The following SLC24A2 variants were observed in gnomAD, a reference collection of about 807,000 sequenced individuals.
SLC24A2 encodes sodium/potassium/calcium exchanger 2.
In SLC24A2, 36 loss-of-function variants were observed where a neutral mutation model predicts 62.0. That is an observed-to-expected ratio of 0.58 (90% confidence interval 0.44 to 0.77). The LOEUF (loss-of-function observed/expected upper bound fraction) is 0.77. SLC24A2 is among the 30% of genes least tolerant of loss of function. The pLI is 0.00. For missense variants in SLC24A2, 846 were observed against 817.9 expected (o/e 1.03, Z -0.42); for synonymous variants, 358 against 294.0 (o/e 1.22, Z -2.23).
chr9:20,158,077 G>C, the SLC24A2 span, among the ~76,000 whole-genome samples: 1 of 151,528 alleles, frequency 6.6e-6, no homozygotes, highest in Non-Finnish European at 1.5e-5. Context: ...ACCATTTAGA[G>C]AAGTATCTTT....
chr9:19,903,227 A>C, the SLC24A2 span, among the ~76,000 whole-genome samples: 7 of 152,122 alleles, frequency 4.6e-5, no homozygotes, highest in African/African-American at 9.7e-5. Flanking sequence ...GAAGTCTGAG[A>C]TCAGGATGCC....
At chr9:19,565,867 G>A (rs531198478) in intron 7 of SLC24A2, among the ~76,000 whole-genome samples, 1 of 151,810 alleles carries the variant, frequency 6.6e-6, no homozygotes, top group African/African-American at 2.4e-5. Context: ...AATGGGGAAA[G>A]GATTCTCTAT....
At chr9:20,117,842 CT>C in the SLC24A2 span, among the ~76,000 whole-genome samples, 1 of 152,188 alleles carries the variant, frequency 6.6e-6, no homozygotes, top group South Asian at 2.1e-4. Flanking sequence ...TCCTGAAAGT[CT>C]TTGAAATCAG....
At chr9:19,637,745 A>C (rs1420157878) in intron 2 of SLC24A2, among the ~76,000 whole-genome samples, 1 of 152,218 alleles carries the variant, frequency 6.6e-6, no homozygotes, top group African/African-American at 2.4e-5. Context: ...GAGCAACCGG[A>C]TGGTGTAAAG....
chr9:19,657,180 C>A (rs1487382309), intron 2 of SLC24A2, among the ~76,000 whole-genome samples: 1 of 152,140 alleles, frequency 6.6e-6, no homozygotes, highest in African/African-American at 2.4e-5. Context: ...CCGGCTATGA[C>A]CTGGAGAGTG....
At chr9:19,873,536 C>CTTTCTTTCTTTCTTTCTTTCTTTATT in the SLC24A2 span, among the ~76,000 whole-genome samples, 3 of 137,040 alleles carry the variant, frequency 2.2e-5, no homozygotes, top group Non-Finnish European at 4.6e-5. Context: ...TCCTTTCTTT[C>CTTTCTTTCTTTCTTTCTTTCTTTATT]TCTTTCTTTC....
chr9:20,282,251 C>A, the SLC24A2 span, among the ~76,000 whole-genome samples: 1 of 152,130 alleles, frequency 6.6e-6, no homozygotes, highest in Non-Finnish European at 1.5e-5. Context: ...CCCAAGAAAC[C>A]TTTTCCCAGA....
chr9:20,080,181 C>A, the SLC24A2 span, among the ~76,000 whole-genome samples: 81 of 152,242 alleles, frequency 5.3e-4, 1 homozygote, highest in Admixed American at 4.4e-3. Context: ...CAATCCTAAG[C>A]CAAAAGAACA....
chr9:19,515,944 T>C lies in SLC24A2; in HGVS notation c.*209A>G. On this transcript the variant is annotated 3_prime_UTR_variant, in exon 11 of 11. Coordinates refer to ENST00000341998, the MANE Select transcript of SLC24A2 (RefSeq NM_020344.4). The stretch of plus-strand genomic sequence containing the variant: ...TGTATTGACGGTTCTCTTTGTCTTT[T>C]ACATGAAGTCATTTCAGTAGGCAGG... 1 of 630,356 alleles carries C rather than the reference T, an allele frequency of 1.6e-6. No individual in the cohort carries two copies. 39.0% of individuals were successfully genotyped at this position (630,356 alleles called of 1,614,324 possible).
At chr9:20,173,431 C>G in the SLC24A2 span, among the ~76,000 whole-genome samples, 1 of 151,794 alleles carries the variant, frequency 6.6e-6, no homozygotes, top group Non-Finnish European at 1.5e-5. Flanking sequence ...CCTAGAAAAC[C>G]CTAAAGACTC....
chr9:19,778,605 T>C (rs2118918281), intron 2 of SLC24A2, among the ~76,000 whole-genome samples: 1 of 152,284 alleles, frequency 6.6e-6, no homozygotes, highest in East Asian at 1.9e-4. Context: ...CATACGGGTT[T>C]GCAGTCTGAA....
At chr9:19,855,924 A>G in the SLC24A2 span, among the ~76,000 whole-genome samples, 1 of 152,090 alleles carries the variant, frequency 6.6e-6, no homozygotes, top group African/African-American at 2.4e-5. Flanking sequence ...AGGTACCCTG[A>G]TCAGTCATAG....
chr9:19,654,585 G>A (rs572552005), intron 2 of SLC24A2, among the ~76,000 whole-genome samples: 1 of 152,322 alleles, frequency 6.6e-6, no homozygotes, highest in Admixed American at 6.5e-5. Flanking sequence ...CATGGCAAAT[G>A]ATGGTATAAC....
At chr9:19,831,925 T>C in the SLC24A2 span, among the ~76,000 whole-genome samples, 1 of 152,264 alleles carries the variant, frequency 6.6e-6, no homozygotes, top group African/African-American at 2.4e-5. Flanking sequence ...TCATGATACA[T>C]ATCAAATTAA....
the SLC24A2 span, among the ~76,000 whole-genome samples, chr9:19,924,954 AAGTC>A: frequency 6.6e-6 from 1 of 152,194 alleles, no homozygotes; most frequent in Non-Finnish European, 1.5e-5. Flanking sequence ...GTACTCTTGA[AAGTC>A]AGGCTTCAAG....
the SLC24A2 span, among the ~76,000 whole-genome samples, chr9:20,255,836 T>C: frequency 2.0e-5 from 3 of 152,232 alleles, no homozygotes; most frequent in African/African-American, 7.2e-5. Flanking sequence ...GCCACATCAT[T>C]CTTCCATTTT....
rs989468146 is a variant in SLC24A2 at position 19,554,504 on chromosome 9, C to T, written c.1348-4236G>A. On this transcript the variant is annotated intron_variant, in intron 7 of 10. Coordinates refer to ENST00000341998, the MANE Select transcript of SLC24A2 (RefSeq NM_020344.4). Reference sequence around the variant, plus strand: ...TGGGGATCTTGGAACCAGTCCCCCACGGATAGCAAGGGATGACAGTACTGC... The same window carrying T: ...TGGGGATCTTGGAACCAGTCCCCCATGGATAGCAAGGGATGACAGTACTGC... Among the ~76,000 whole-genome samples, 28 of 152,246 alleles carry T rather than the reference C, an allele frequency of 1.8e-4. No individual in the cohort carries two copies. In the East Asian group the frequency reaches 3.1e-3, roughly 17 times the overall value.
At position 19,687,314 on chromosome 9, in the gene SLC24A2, G is replaced by A. The variant is rs147704552; in HGVS notation, c.931-65015C>T. Among the ~76,000 whole-genome samples, 349 of 152,200 alleles carry A rather than the reference G, an allele frequency of 2.3e-3. 1 individual carries two copies. The highest frequency in any genetic ancestry group is 7.8e-3 in the African/African-American group (323 of 41,554). ...AAACAAAACGGAACAAGTTCACTGT[G>A]TTTGGGGTATGTAATGTATAAAATG... is the stretch of plus-strand genomic sequence containing the variant. On this transcript the variant is annotated intron_variant, in intron 2 of 10. Coordinates refer to ENST00000341998, the MANE Select transcript of SLC24A2 (RefSeq NM_020344.4).
the SLC24A2 span, among the ~76,000 whole-genome samples, chr9:20,266,541 AT>A: frequency 0.028 from 4,082 of 147,866 alleles, 141 homozygotes; most frequent in African/African-American, 0.092. Context: ...GACCTCAGTA[AT>A]TTTTTTTTTT....
Sources: allele counts gnomAD v4.1 joint callset (sites outside exome capture counted in the v4.1 genomes callset), GRCh38; gene constraint gnomAD v4.1.1; transcripts MANE v1.5; gene names NCBI Gene and HGNC (gene_info 2026-07-23, HGNC 2026-07-21).